Variants in TMEM108 observed in about 807,000 individuals in gnomAD.
The protein encoded by TMEM108 is transmembrane protein 108.
TMEM108 carries 12 observed loss-of-function variants against 35.1 expected under a neutral mutation model. That is an observed-to-expected ratio of 0.34 (90% CI 0.22 to 0.55). The LOEUF (loss-of-function observed/expected upper bound fraction) is 0.55. Among genes scored for constraint, TMEM108 ranks in the 20% least tolerant of loss-of-function variants. The pLI is 0.89. For missense variants in TMEM108, 680 were observed against 753.3 expected (o/e 0.90, Z 1.14); for synonymous variants, 287 against 308.6 (o/e 0.93, Z 0.73).
intron 2 of TMEM108, among the ~76,000 whole-genome samples, chr3:133,084,409 A>C (rs1238323417): frequency 6.6e-6 from 1 of 152,112 alleles, no homozygotes; most frequent in Non-Finnish European, 1.5e-5. Context: ...AATGGCCTCA[A>C]ATTTAGTTTG....
At chr3:133,257,376 T>G (rs1284585990) in intron 3 of TMEM108, among the ~76,000 whole-genome samples, 2 of 152,252 alleles carry the variant, frequency 1.3e-5, no homozygotes, top group African/African-American at 4.8e-5. Flanking sequence ...CTCTGAAAGT[T>G]TATTGCCAGT....
chr3:133,270,193 A>G (rs1363430505), intron 3 of TMEM108, among the ~76,000 whole-genome samples: 1 of 151,994 alleles, frequency 6.6e-6, no homozygotes, highest in African/African-American at 2.4e-5. Flanking sequence ...GCTCTATTTC[A>G]TCCCACAATA....
chr3:133,088,621 A>G (rs1273654238), intron 2 of TMEM108, among the ~76,000 whole-genome samples: 1 of 152,210 alleles, frequency 6.6e-6, no homozygotes, highest in African/African-American at 2.4e-5. Context: ...GGTGCTAAGC[A>G]GTATATTCAC....
At chr3:133,386,452 T>C in intron 4 of TMEM108, 8 of 1,536,130 alleles carry the variant, frequency 5.2e-6, no homozygotes, top group South Asian at 4.8e-5. Flanking sequence ...AGCATGCCCT[T>C]CCACAAATGT....
At chr3:133,098,899 G>A (rs1576317521) in intron 2 of TMEM108, among the ~76,000 whole-genome samples, 2 of 152,322 alleles carry the variant, frequency 1.3e-5, no homozygotes, top group Non-Finnish European at 1.5e-5. Context: ...CAGGCACACA[G>A]TGCAAGCTGT....
intron 2 of TMEM108, among the ~76,000 whole-genome samples, chr3:133,169,845 A>G (rs1160326322): frequency 6.6e-6 from 1 of 151,834 alleles, no homozygotes; most frequent in Non-Finnish European, 1.5e-5. Context: ...GATTAGCCCC[A>G]ATGAGTAAAA....
chr3:133,120,102 C>T (rs977104352), intron 2 of TMEM108, among the ~76,000 whole-genome samples: 1 of 152,148 alleles, frequency 6.6e-6, no homozygotes, highest in Non-Finnish European at 1.5e-5. Flanking sequence ...TCTGTAATTG[C>T]ATAAACTAGA....
At chr3:133,194,857 A>G (rs758836551) in intron 2 of TMEM108, among the ~76,000 whole-genome samples, 1 of 152,224 alleles carries the variant, frequency 6.6e-6, no homozygotes, top group Non-Finnish European at 1.5e-5. Context: ...CAGATATGGC[A>G]TAATAGTTAC....
chr3:133,344,936 A>T (rs1381260268), intron 3 of TMEM108, among the ~76,000 whole-genome samples: 1 of 151,918 alleles, frequency 6.6e-6, no homozygotes, highest in Admixed American at 6.6e-5. Flanking sequence ...TTAGGTTGTC[A>T]AAGAATTATT....
chr3:133,053,445 G>A (rs1402460), intron 2 of TMEM108, among the ~76,000 whole-genome samples: 59,901 of 152,118 alleles, frequency 0.39, 12,517 homozygotes, highest in Admixed American at 0.5. Context: ...CTATTGAGAG[G>A]TCTGAGAATT....
chr3:133,352,174 T>C (rs899163722), intron 3 of TMEM108, among the ~76,000 whole-genome samples: 10 of 152,310 alleles, frequency 6.6e-5, no homozygotes, highest in Admixed American at 2.6e-4. Context: ...CATAGCTTCA[T>C]TGGGCTTGGG....
intron 3 of TMEM108, among the ~76,000 whole-genome samples, chr3:133,230,542 A>C (rs987474753): frequency 4.6e-5 from 7 of 152,212 alleles, no homozygotes; most frequent in Admixed American, 3.9e-4. Flanking sequence ...TAAAGAAGCA[A>C]TGTCATCAAG....
chr3:133,295,480 G>A (rs1156502613), intron 3 of TMEM108, among the ~76,000 whole-genome samples: 2 of 152,224 alleles, frequency 1.3e-5, no homozygotes, highest in African/African-American at 4.8e-5. Context: ...AGCATGAAAT[G>A]AAACATCCTG....
intron 3 of TMEM108, among the ~76,000 whole-genome samples, chr3:133,317,581 T>C (rs1000960800): frequency 6.7e-6 from 1 of 148,878 alleles, no homozygotes; most frequent in South Asian, 2.2e-4. Context: ...ATAAGCAGAA[T>C]AGAAATGTGA....
intron 2 of TMEM108, among the ~76,000 whole-genome samples, chr3:133,152,723 T>C (rs939885588): frequency 1.3e-5 from 2 of 152,186 alleles, no homozygotes; most frequent in African/African-American, 4.8e-5. Context: ...ATGTTTAAGC[T>C]GCTTTCTGAA....
At chr3:133,199,229 C>A (rs560372676) in intron 2 of TMEM108, among the ~76,000 whole-genome samples, 8 of 152,242 alleles carry the variant, frequency 5.3e-5, no homozygotes, top group Non-Finnish European at 8.8e-5. Flanking sequence ...GCAATGGGTT[C>A]GAACTTCCTC....
intron 1 of TMEM108, among the ~76,000 whole-genome samples, chr3:133,043,103 A>G (rs1007905193): frequency 6.6e-6 from 1 of 152,098 alleles, no homozygotes; most frequent in African/African-American, 2.4e-5. Flanking sequence ...GTAAGAAAAA[A>G]CTTTCATCAT....
At chr3:133,367,327 G>A (rs923589937) in intron 3 of TMEM108, among the ~76,000 whole-genome samples, 1 of 152,192 alleles carries the variant, frequency 6.6e-6, no homozygotes, top group Non-Finnish European at 1.5e-5. Flanking sequence ...ATTAATGATG[G>A]TATCAGTATT....
At chr3:133,384,940 C>T (rs959591891) in intron 4 of TMEM108, among the ~76,000 whole-genome samples, 1 of 152,160 alleles carries the variant, frequency 6.6e-6, no homozygotes. Flanking sequence ...GTGGAGTAGC[C>T]CCTCTCTCTC....
Sources: gnomAD v4.1 joint callset for allele counts (sites outside exome capture counted in the v4.1 genomes callset) on GRCh38, gnomAD v4.1.1 for gene constraint, MANE v1.5 for transcripts, NCBI Gene and HGNC (gene_info 2026-07-23, HGNC 2026-07-21) for gene names.